Variants in MCTP2 observed in about 807,000 individuals in gnomAD.
The protein encoded by MCTP2 is multiple C2 and transmembrane domain containing 2.
Under a neutral mutation model 111.6 loss-of-function variants are expected in MCTP2, and 132 were observed. The ratio of observed to expected loss-of-function variants is 1.18; its 90% CI spans 1.03 to 1.37. The LOEUF (loss-of-function observed/expected upper bound fraction) is 1.37. Among genes scored for constraint, MCTP2 ranks in the 40% most tolerant of loss-of-function variants. The pLI is 0.00. For synonymous variants in MCTP2, 395 were observed against 387.7 expected (o/e 1.02, Z -0.22); for missense variants, 1,183 against 1,067.9 (o/e 1.11, Z -1.50).
At chr15:94,360,239 T>G (rs1479599243) in intron 10 of MCTP2, among the ~76,000 whole-genome samples, 5 of 152,198 alleles carry the variant, frequency 3.3e-5, no homozygotes, top group African/African-American at 1.2e-4. Flanking sequence ...GTTTCTTCCC[T>G]GGCCGTCTCC....
At chr15:94,281,673 A>G (rs912674569) in intron 1 of MCTP2, among the ~76,000 whole-genome samples, 1 of 152,102 alleles carries the variant, frequency 6.6e-6, no homozygotes, top group East Asian at 1.9e-4. Context: ...GTACTTCAGT[A>G]TATTTTTTTG....
At chr15:94,437,419 G>A (rs950760179) in intron 17 of MCTP2, among the ~76,000 whole-genome samples, 4 of 151,828 alleles carry the variant, frequency 2.6e-5, no homozygotes, top group African/African-American at 9.7e-5. Context: ...TTGTTCCGTT[G>A]CTATTTATAA....
intron 14 of MCTP2, among the ~76,000 whole-genome samples, chr15:94,396,862 A>G (rs1416144900): frequency 2.0e-5 from 3 of 152,208 alleles, no homozygotes; most frequent in Non-Finnish European, 4.4e-5. Context: ...CCTAGATACT[A>G]ATATAAACAG....
chr15:94,377,971 A>C (rs2079871481), intron 12 of MCTP2, among the ~76,000 whole-genome samples: 1 of 152,116 alleles, frequency 6.6e-6, no homozygotes, highest in Non-Finnish European at 1.5e-5. Flanking sequence ...AAAGCAAAAG[A>C]AACCTCTCAG....
rs950077403 is a variant in MCTP2, at chr15:94,479,764, ACTT to A, written c.*736_*738del. On this transcript the variant is annotated 3_prime_UTR_variant, in exon 23 of 23. Transcript: ENST00000357742. ...AAGTATTTGGTTGCCTTCTGATGCC[ACTT>A]CTTCTCACTTTACTTTTTGCTTATT... 1 of 152,066 alleles carries A rather than the reference ACTT, an allele frequency of 6.6e-6. No homozygotes were observed. Among genetic ancestry groups the A allele is most frequent in the Non-Finnish European group, 1.5e-5 (1 of 68,026 alleles). The allele number at this position is 152,066 out of a possible 1,614,324, so 9.4% of individuals were successfully genotyped here.
chr15:94,384,947 T>C (rs2080371356), intron 13 of MCTP2, among the ~76,000 whole-genome samples: 1 of 152,210 alleles, frequency 6.6e-6, no homozygotes, highest in East Asian at 1.9e-4. Flanking sequence ...TATTAAAATA[T>C]GTATATTTTT....
Position 94,272,210 on chromosome 15 carries a change from A to ATT in MCTP2, c.-65-25984_-65-25983dup, listed in dbSNP as rs61389976. On this transcript the variant is annotated intron_variant, in intron 1 of 22. Transcript: ENST00000357742. ...ATATTTGTATGTAATGGCTAAGACA[A>ATT]TTTTTTTTATTGGATGGTGCTTAAT... Among the ~76,000 whole-genome samples the ATT allele has an allele frequency of 4.7e-3, 715 of 152,162 alleles. 4 individuals carry two copies. Among genetic ancestry groups the ATT allele is most frequent in the African/African-American group, 0.016 (670 of 41,494 alleles).
At chr15:94,263,289 G>A (rs1042701569) in intron 1 of MCTP2, among the ~76,000 whole-genome samples, 10 of 152,150 alleles carry the variant, frequency 6.6e-5, no homozygotes, top group Non-Finnish European at 1.3e-4. Context: ...CATTGTTCAC[G>A]ATAGTTATGT....
chr15:94,460,002 C>A (rs1211798051), intron 20 of MCTP2, among the ~76,000 whole-genome samples: 1 of 152,148 alleles, frequency 6.6e-6, no homozygotes, highest in Admixed American at 6.5e-5. Context: ...AATTTGTAGT[C>A]CAAGATCACA....
chr15:94,245,316 A>G (rs192162223), intron 1 of MCTP2, among the ~76,000 whole-genome samples: 1 of 141,968 alleles, frequency 7.0e-6, no homozygotes, highest in Non-Finnish European at 1.5e-5. Context: ...ATATATGTAC[A>G]TATATTTACA....
intron 1 of MCTP2, among the ~76,000 whole-genome samples, chr15:94,248,688 A>G (rs2072191327): frequency 1.3e-5 from 2 of 152,196 alleles, no homozygotes; most frequent in African/African-American, 4.8e-5. Context: ...TTAAGTCTAA[A>G]TCTTTTCAAC....
At position 94,380,643 on chromosome 15, in the gene MCTP2, C is replaced by T. The variant is rs543641239; in HGVS notation, c.1583-3379C>T. Reference sequence around the variant, plus strand: ...ATTAGCTGGGCGTGGTGGCACGTGCCTATAATCCCAGCTACCTGAGAGGCT... The same window carrying T: ...ATTAGCTGGGCGTGGTGGCACGTGCTTATAATCCCAGCTACCTGAGAGGCT... On this transcript the variant is annotated intron_variant, in intron 12 of 22. Coordinates refer to ENST00000357742, the MANE Select transcript of MCTP2 (RefSeq NM_001385001.1). Among the ~76,000 whole-genome samples, 3 of 152,074 alleles carry T rather than the reference C, an allele frequency of 2.0e-5. No homozygotes were observed. In the East Asian group the frequency reaches 5.8e-4, roughly 29 times the overall value.
intron 4 of MCTP2, among the ~76,000 whole-genome samples, chr15:94,321,694 A>G (rs2076637511): frequency 6.6e-6 from 1 of 152,202 alleles, no homozygotes; most frequent in Non-Finnish European, 1.5e-5. Flanking sequence ...GCTAATCAAT[A>G]AACAATGCAG....
intron 1 of MCTP2, among the ~76,000 whole-genome samples, chr15:94,243,642 T>TATATATGTATA: frequency 7.2e-6 from 1 of 138,466 alleles, no homozygotes; most frequent in South Asian, 2.1e-4. Context: ...CGTATATACA[T>TATATATGTATA]ATATATGTAT....
chr15:94,307,213 G>A (rs1596318103), intron 2 of MCTP2, among the ~76,000 whole-genome samples: 1 of 152,194 alleles, frequency 6.6e-6, no homozygotes, highest in Non-Finnish European at 1.5e-5. Flanking sequence ...AAGGTGGCAA[G>A]CTATAGATAT....
chr15:94,477,508 G>C (rs951025119), intron 22 of MCTP2, among the ~76,000 whole-genome samples: 1 of 152,192 alleles, frequency 6.6e-6, no homozygotes, highest in Admixed American at 6.5e-5. Flanking sequence ...AGGAGGGCAG[G>C]CGGCAGTTTC....
intron 2 of MCTP2, among the ~76,000 whole-genome samples, chr15:94,312,796 G>T (rs569125647): frequency 7.6e-4 from 115 of 152,308 alleles, no homozygotes; most frequent in Non-Finnish European, 1.2e-3. Context: ...TGCAGAGGCA[G>T]TGGGCCAGAA....
chr15:94,455,209 G>A (rs2084743722), intron 19 of MCTP2, among the ~76,000 whole-genome samples: 1 of 152,138 alleles, frequency 6.6e-6, no homozygotes, highest in African/African-American at 2.4e-5. Flanking sequence ...AAATTTAGAA[G>A]GCATTTACTT....
chr15:94,333,476 T>A (rs1442550303), intron 4 of MCTP2, among the ~76,000 whole-genome samples: 1 of 152,138 alleles, frequency 6.6e-6, no homozygotes, highest in African/African-American at 2.4e-5. Context: ...TGTTTGTAAT[T>A]AGAGCTGCAT....
Sources: allele counts gnomAD v4.1 joint callset (sites outside exome capture counted in the v4.1 genomes callset), GRCh38; gene constraint gnomAD v4.1.1; transcripts MANE v1.5; gene names NCBI Gene and HGNC (gene_info 2026-07-23, HGNC 2026-07-21).